RHOBTB2: variants seen among roughly 807,000 people sequenced by gnomAD.
The protein encoded by RHOBTB2 is rho-related BTB domain-containing protein 2.
Under a neutral mutation model 66.5 loss-of-function variants are expected in RHOBTB2, and 39 were observed. The observed-to-expected ratio is 0.59, with a 90% confidence interval of 0.45 to 0.77. The LOEUF is 0.77. Among genes scored for constraint, RHOBTB2 ranks in the 30% least tolerant of loss-of-function variants. RHOBTB2 has a pLI of 0.00. For synonymous variants in RHOBTB2, 390 were observed against 395.0 expected, an observed-to-expected ratio of 0.99 and a Z score of 0.15; for missense variants, 755 against 999.1, an observed-to-expected ratio of 0.76 and a Z score of 3.29.
At position 23,006,753 on chromosome 8, in the gene RHOBTB2, C is replaced by T. The variant is rs761440038; in HGVS notation, c.508C>T (p.Pro170Ser). 1.2e-5 allele frequency: 19 copies of T among 1,612,600 alleles called. No homozygotes were observed. In the Admixed American group the frequency reaches 1.5e-4, roughly 13 times the overall value. The stretch of plus-strand genomic sequence containing the variant: ...GCCCATCAAACCTAATGAAATCCTG[C>T]CCCCAGAGAAGGGTCGGGAGGTGGC... ...ARPIKPNEIL[P>S]PEKGREVAKE... The change falls in exon 5 of 10, where the codon CCC becomes TCC. Residue 170 changes from proline to serine, a missense_variant. Physicochemically the swap from Pro to Ser is moderately conservative, Grantham distance 74. This residue lies in a region of RHOBTB2 where 20 missense variants were observed against 59.0 expected (regional missense o/e 0.34). Coordinates refer to ENST00000251822, the MANE Select transcript of RHOBTB2 (RefSeq NM_015178.3). The surrounding 1 kb of genome is among the most constrained non-coding windows in gnomAD (Gnocchi z 6.1).
At chr8:22,975,919 G>C in the RHOBTB2 span, among the ~76,000 whole-genome samples, 11 of 152,042 alleles carry the variant, frequency 7.2e-5, no homozygotes, top group Non-Finnish European at 1.6e-4. Flanking sequence ...AGGCCAATGC[G>C]GGCGGATCAT....
intron 2 of RHOBTB2, among the ~76,000 whole-genome samples, chr8:22,994,196 A>G (rs1005449178): frequency 6.6e-6 from 1 of 152,244 alleles, no homozygotes; most frequent in African/African-American, 2.4e-5. Context: ...CAGAGAGGGA[A>G]GGATATTGTC....
At chr8:22,988,341 T>C (rs1317236067) in intron 1 of RHOBTB2, among the ~76,000 whole-genome samples, 2 of 152,022 alleles carry the variant, frequency 1.3e-5, no homozygotes, top group South Asian at 2.1e-4. Flanking sequence ...TTTGTTTTTT[T>C]AATAGAGACA....
At chr8:22,984,844 A>C (rs987364562), upstream of RHOBTB2, 1 of 152,192 alleles carries the variant, frequency 6.6e-6, no homozygotes, top group African/African-American at 2.4e-5. Flanking sequence ...GAATCACTTG[A>C]ACCTGGGAGG....
Position 23,017,117 on chromosome 8 carries a change from C to G in RHOBTB2, c.1967-135C>G. 2 of 1,140,444 alleles carry G rather than the reference C, an allele frequency of 1.8e-6. No individual in the cohort carries two copies. The highest frequency in any genetic ancestry group is 1.5e-5 in the African/African-American group (1 of 64,932). The allele number at this position is 1,140,444 out of a possible 1,614,324, so 70.6% of individuals were successfully genotyped here. A position where few individuals can be genotyped will look rare whatever the true frequency, so the allele number is the denominator to read the frequency against. On this transcript the variant is annotated intron_variant, in intron 9 of 9. Coordinates refer to ENST00000251822, the MANE Select transcript of RHOBTB2 (RefSeq NM_015178.3). This position sits in a 1 kb window ranked among gnomAD's most constrained non-coding sequence, Gnocchi z 5.3. ...TTTGCTTGCCTCGGAGGCTCATGTGCCGTGGGTCATGGGGATGTGCTGGGG... is the reference window on the plus strand; with the variant it reads ...TTTGCTTGCCTCGGAGGCTCATGTGGCGTGGGTCATGGGGATGTGCTGGGG...
chr8:23,018,490 G>C lies in RHOBTB2; in HGVS notation c.*1021G>C, dbSNP rs1248469590. ...TAAACAGAGGCCCCCATGATGAGGA[G>C]GTGAAGATTTAGGTTGCAGAATCGA... On this transcript the variant is annotated 3_prime_UTR_variant, in exon 10 of 10. Transcript: ENST00000251822. 1 of 152,420 alleles carries C rather than the reference G, an allele frequency of 6.6e-6. No individual in the cohort carries two copies. Among genetic ancestry groups the C allele is most frequent in the Non-Finnish European group, 1.5e-5 (1 of 68,064 alleles). The allele number at this position is 152,420 out of a possible 1,614,324, so 9.4% of individuals were successfully genotyped here.
upstream of RHOBTB2, chr8:22,998,790 T>C (rs1008115717): frequency 2.0e-5 from 3 of 151,206 alleles, no homozygotes; most frequent in African/African-American, 2.4e-5. Context: ...AAGTGTCTTC[T>C]AGGGACCCCT....
the RHOBTB2 span, among the ~76,000 whole-genome samples, chr8:22,962,165 C>A: frequency 7.5e-5 from 3 of 40,236 alleles, no homozygotes; most frequent in African/African-American, 1.8e-4. Context: ...TCTCTAAAAA[C>A]AATAACGAAT....
At chr8:22,967,714 G>C in the RHOBTB2 span, among the ~76,000 whole-genome samples, 1 of 141,954 alleles carries the variant, frequency 7.0e-6, no homozygotes, top group Non-Finnish European at 1.6e-5. Context: ...GCTAGGGGCT[G>C]TGGAGAGGGC....
rs1235966936 is a variant in RHOBTB2 at position 23,004,932 on chromosome 8, G to A, written c.192+306G>A. On this transcript the variant is annotated intron_variant, in intron 2 of 9. Transcript: ENST00000251822. This position sits in a 1 kb window ranked among gnomAD's most constrained non-coding sequence, Gnocchi z 6.4. ...GTAATGGGGAGCACTGGAGGGCTGG[G>A]GCTTGGAAGAGATACAAGCTGAGAG... The A allele has an allele frequency of 4.2e-6, 2 of 470,760 alleles. No individual in the cohort carries two copies. Among genetic ancestry groups the A allele is most frequent in the Admixed American group, 3.5e-5 (1 of 28,776 alleles). The allele number at this position is 470,760 out of a possible 1,614,324, so 29.2% of individuals were successfully genotyped here.
chr8:22,980,186 A>G, the RHOBTB2 span, among the ~76,000 whole-genome samples: 3 of 152,174 alleles, frequency 2.0e-5, no homozygotes, highest in African/African-American at 7.2e-5. Context: ...GATTAATAGG[A>G]GAAAAAAAGG....
chr8:23,014,506 T>G (rs555479988), intron 7 of RHOBTB2, among the ~76,000 whole-genome samples, 184 bp from the exon 8 acceptor site: 1 of 152,048 alleles, frequency 6.6e-6, no homozygotes, highest in East Asian at 1.9e-4. Flanking sequence ...CGTTGAGCTC[T>G]TGCTGTCATC....
upstream of RHOBTB2, among the ~76,000 whole-genome samples, chr8:22,983,593 G>C (rs907213999): frequency 1.3e-5 from 2 of 152,044 alleles, no homozygotes; most frequent in Non-Finnish European, 2.9e-5. Flanking sequence ...TTTTGGTGAT[G>C]GTTATCATAA....
At chr8:22,991,625 G>A (rs1463825979) in intron 1 of RHOBTB2, among the ~76,000 whole-genome samples, 1 of 152,144 alleles carries the variant, frequency 6.6e-6, no homozygotes. Flanking sequence ...AACCCATGGG[G>A]ACAGGAACTC....
At chr8:22,957,322 G>C in the RHOBTB2 span, among the ~76,000 whole-genome samples, 1 of 152,046 alleles carries the variant, frequency 6.6e-6, no homozygotes, top group Admixed American at 6.6e-5. Flanking sequence ...TTGCTCTTTT[G>C]TGATCACTAA....
chr8:22,951,691 G>C, the RHOBTB2 span, among the ~76,000 whole-genome samples: 1 of 152,200 alleles, frequency 6.6e-6, no homozygotes, highest in Non-Finnish European at 1.5e-5. Context: ...TGATCCGTTA[G>C]GGTGGGGCAG....
In RHOBTB2 at chr8:23,016,993, A is replaced by C. The variant is rs1258439345; in HGVS notation, c.1967-259A>C. 3.9e-5 allele frequency among the ~76,000 whole-genome samples: 6 copies of C among 152,084 alleles called. No individual in the cohort carries two copies. The South Asian group carries it at 1.0e-3, about 26-fold the overall frequency. On this transcript the variant is annotated intron_variant, in intron 9 of 9. Coordinates refer to ENST00000251822, the MANE Select transcript of RHOBTB2 (RefSeq NM_015178.3). ...ATCCTTCGCCTCTGTTTCATTCCCA[A>C]CGCACAGGAAGCCCTTGTCTAGATC... is the stretch of plus-strand genomic sequence containing the variant.
Position 23,007,260 on chromosome 8 carries a change from C to T in RHOBTB2, c.1015C>T (p.Leu339=), listed in dbSNP as rs1431019051. 1.2e-6 allele frequency: 2 copies of T among 1,612,694 alleles called. No individual in the cohort carries two copies. The highest frequency in any genetic ancestry group is 2.2e-5 in the East Asian group (1 of 44,896). Residue 339 remains leucine, a synonymous_variant, in exon 5 of 10, where the codon CTG becomes TTG. Transcript: ENST00000251822. The stretch of plus-strand genomic sequence containing the variant: ...CCACCACCACCATGGGCGAGACTTC[C>T]TGCTCCGAGCAGCCAGCTTTGACGT... ...HHHHHHGRDF[L]LRAASFDVCE... is the part of the protein sequence containing the mutation.
chr8:22,998,888 T>G (rs971628957), upstream of RHOBTB2: 4 of 152,124 alleles, frequency 2.6e-5, no homozygotes, highest in Non-Finnish European at 4.4e-5. Flanking sequence ...TAGGGACGAT[T>G]TTCGAGGCTA....
Sources: gnomAD v4.1 joint callset for allele counts (sites outside exome capture counted in the v4.1 genomes callset) on GRCh38, gnomAD v4.1.1 for gene constraint, gnomAD v4.1.1 regional missense constraint, Gnocchi (gnomAD v3.1) non-coding constraint, MANE v1.5 for transcripts, NCBI Gene and HGNC (gene_info 2026-07-23, HGNC 2026-07-21) for gene names.